Variants in DIP2C observed in about 807,000 individuals in gnomAD.
DIP2C encodes the protein DIP2 acetate--CoA ligase C (putative).
Under a neutral mutation model 192.4 loss-of-function variants are expected in DIP2C, and 33 were observed. The ratio of observed to expected loss-of-function variants is 0.17; its 90% CI spans 0.13 to 0.23. The LOEUF is 0.23. Ranked by LOEUF, DIP2C falls within the 10% of genes least tolerant of loss-of-function variation. The pLI, the probability that DIP2C is intolerant of heterozygous loss-of-function variation, is 1.00. For missense variants in DIP2C, 1,537 were observed against 2,110.1 expected, an observed-to-expected ratio of 0.73 and a Z score of 5.32; for synonymous variants, 979 against 864.1, an observed-to-expected ratio of 1.13 and a Z score of -2.33.
chr10:551,396 C>T (rs565081883), intron 1 of DIP2C, among the ~76,000 whole-genome samples: 4 of 152,314 alleles, frequency 2.6e-5, no homozygotes, highest in African/African-American at 7.2e-5. Flanking sequence ...ACAGGTGCCA[C>T]GGAGGCTGTG....
intron 1 of DIP2C, among the ~76,000 whole-genome samples, chr10:568,786 A>C (rs899650688): frequency 7.5e-5 from 11 of 146,174 alleles, no homozygotes; most frequent in Non-Finnish European, 1.1e-4. Flanking sequence ...AAAAAAAAAA[A>C]AAAAAAAAAA....
chr10:552,388 A>G (rs1030036495), intron 1 of DIP2C, among the ~76,000 whole-genome samples: 4 of 152,236 alleles, frequency 2.6e-5, no homozygotes, highest in Admixed American at 6.5e-5. Flanking sequence ...GTCCCTGCCA[A>G]GTAAAAGGTT....
intron 3 of DIP2C, among the ~76,000 whole-genome samples, chr10:460,263 T>C (rs1969664062): frequency 6.6e-6 from 1 of 152,344 alleles, no homozygotes; most frequent in Admixed American, 6.5e-5. Flanking sequence ...TAACTAAAGC[T>C]AGAATCTAAG....
At chr10:398,753 G>A (rs947438176) in intron 10 of DIP2C, among the ~76,000 whole-genome samples, 3 of 152,054 alleles carry the variant, frequency 2.0e-5, no homozygotes, top group East Asian at 1.9e-4. Context: ...TGGACTGGAT[G>A]TCAAAACACC....
chr10:447,021 CAAG>C (rs1968283844), intron 3 of DIP2C, among the ~76,000 whole-genome samples: 1 of 152,176 alleles, frequency 6.6e-6, no homozygotes, highest in Non-Finnish European at 1.5e-5. Context: ...ATCTATATGT[CAAG>C]AAGAGTGAAA....
chr10:342,528 C>T (rs140840366), intron 28 of DIP2C, among the ~76,000 whole-genome samples: 52 of 152,302 alleles, frequency 3.4e-4, no homozygotes, highest in South Asian at 1.0e-3. Flanking sequence ...CTCTGCTGGT[C>T]GAGGCCCTGT....
chr10:356,393 C>T (rs777055373), intron 24 of DIP2C, 33 bp downstream of exon 24: 3 of 1,607,910 alleles, frequency 1.9e-6, no homozygotes, highest in Non-Finnish European at 2.5e-6. Context: ...CCCTTGAGGC[C>T]AGTAGCCAGG....
At chr10:571,915 CCAT>C (rs948670409) in intron 1 of DIP2C, among the ~76,000 whole-genome samples, 3 of 152,332 alleles carry the variant, frequency 2.0e-5, no homozygotes, top group African/African-American at 4.8e-5. Context: ...CAAAAACTGT[CCAT>C]CAACTGCGAA....
intron 34 of DIP2C, 90 bp from the exon 35 acceptor site, chr10:283,536 T>C: frequency 7.5e-6 from 11 of 1,457,168 alleles, no homozygotes; most frequent in South Asian, 3.9e-5. Flanking sequence ...CAGTACATTA[T>C]ATTCAGTGAT....
At chr10:289,209 ACAGGGTGCGGG>A (rs139678551) in intron 32 of DIP2C, among the ~76,000 whole-genome samples, 8,237 of 152,096 alleles carry the variant, frequency 0.054, 292 homozygotes, top group Middle Eastern at 0.1. Context: ...CCACCTGGGG[ACAGGGTGCGGG>A]CAGGGGGCCT....
Position 384,187 on chromosome 10 carries a change from C to A in DIP2C, c.1757-41G>T, listed in dbSNP as rs1023184087. 5 of 1,599,052 alleles carry A rather than the reference C, an allele frequency of 3.1e-6. No homozygotes were observed. The Admixed American group carries it at 8.7e-5, about 28-fold the overall frequency. The stretch of plus-strand genomic sequence containing the variant: ...GAAATAAGTTAACATGTGCCACCGT[C>A]AGATCGTCCCCTATTGCAAAAGAGA... On this transcript the variant is annotated intron_variant, in intron 15 of 36. Transcript: ENST00000280886.
intron 22 of DIP2C, among the ~76,000 whole-genome samples, chr10:360,531 C>CG (rs537474905): frequency 2.6e-4 from 39 of 152,290 alleles, no homozygotes; most frequent in Non-Finnish European, 5.3e-4. Context: ...GGGCACAGGG[C>CG]GGGAGTTTTA....
At chr10:323,676 C>T (rs1957130394) in intron 31 of DIP2C, among the ~76,000 whole-genome samples, 1 of 152,116 alleles carries the variant, frequency 6.6e-6, no homozygotes, top group Admixed American at 6.5e-5. Flanking sequence ...GGGTTTATGA[C>T]TGTTATTTAT....
chr10:641,666 C>G (rs547433972), intron 1 of DIP2C: 1 of 154,306 alleles, frequency 6.5e-6, no homozygotes, highest in East Asian at 1.9e-4. Context: ...CAGATGTACT[C>G]AAGTCGGCTG....
At chr10:334,926 T>C (rs1165194678) in intron 29 of DIP2C, among the ~76,000 whole-genome samples, 1 of 152,208 alleles carries the variant, frequency 6.6e-6, no homozygotes, top group Middle Eastern at 3.2e-3. Context: ...GGGTCCTTTA[T>C]ATTTACTTCA....
Position 390,744 on chromosome 10 carries a change from A to T in DIP2C, c.1380T>A (p.Phe460Leu). 6.2e-7 allele frequency: 1 copy of T among 1,613,820 alleles called. No individual in the cohort carries two copies. Among genetic ancestry groups the T allele is most frequent in the Non-Finnish European group, 8.5e-7 (1 of 1,179,886 alleles). ...CTCGGAGGCTCGGTGGCTTACCTTT[A>T]AACTGTGGGATCTCTCCCGTTGGGC... ...PKSPTGEIPQ[F>L]KGWPKLLWFV... Residue 460 changes from phenylalanine (F) to leucine (L), a missense_variant, in exon 11 of 37, where the codon TTT (phenylalanine) becomes TTA (leucine). Phe to Leu is a conservative substitution (Grantham distance 22). Coordinates refer to ENST00000280886, the MANE Select transcript of DIP2C (RefSeq NM_014974.3).
chr10:592,207 C>CCA (rs1202175421), intron 1 of DIP2C, among the ~76,000 whole-genome samples: 1 of 151,978 alleles, frequency 6.6e-6, no homozygotes, highest in Admixed American at 6.5e-5. Context: ...ATCGGAGGAC[C>CCA]CATTCAGATG....
intron 20 of DIP2C, 87 bp downstream of exon 20, chr10:364,287 A>T (rs1445497795): frequency 2.1e-6 from 3 of 1,455,514 alleles, no homozygotes; most frequent in Non-Finnish European, 2.8e-6. Context: ...ACATTTAAGG[A>T]AACTGTGCAA....
At chr10:420,658 A>C (rs903511590) in intron 5 of DIP2C, among the ~76,000 whole-genome samples, 1 of 152,238 alleles carries the variant, frequency 6.6e-6, no homozygotes, top group African/African-American at 2.4e-5. Context: ...ATCTTATGCC[A>C]AATTGGCTTG....
Sources: allele counts gnomAD v4.1 joint callset (sites outside exome capture counted in the v4.1 genomes callset), GRCh38; gene constraint gnomAD v4.1.1; transcripts MANE v1.5; gene names NCBI Gene and HGNC (gene_info 2026-07-23, HGNC 2026-07-21).